The following SLC16A7 variants were observed in gnomAD, a reference collection of about 807,000 sequenced individuals.
SLC16A7 encodes the protein monocarboxylate transporter 2.
A neutral mutation model predicts 34.9 loss-of-function variants in SLC16A7; 33 were observed. The ratio of observed to expected loss-of-function variants is 0.94; its 90% CI spans 0.72 to 1.26. SLC16A7 has a LOEUF of 1.26. Ranked by LOEUF, SLC16A7 falls within the 50% of genes most tolerant of loss-of-function variation. The pLI, the probability that SLC16A7 is intolerant of heterozygous loss-of-function variation, is 0.00. For missense variants in SLC16A7, 573 were observed against 578.1 expected, an observed-to-expected ratio of 0.99 and a Z score of 0.09; for synonymous variants, 201 against 206.6, an observed-to-expected ratio of 0.97 and a Z score of 0.23.
chr12:59,711,681 G>A (rs771434683), intron 3 of SLC16A7, among the ~76,000 whole-genome samples: 2 of 152,054 alleles, frequency 1.3e-5, no homozygotes, highest in Non-Finnish European at 2.9e-5. Context: ...ACCATGCCCA[G>A]CTAATTTCTG....
At chr12:59,604,047 T>C (rs1878818943) in intron 1 of SLC16A7, among the ~76,000 whole-genome samples, 1 of 152,250 alleles carries the variant, frequency 6.6e-6, no homozygotes. Context: ...CAATTTAACA[T>C]ATTCAGTTTT....
Position 59,614,192 on chromosome 12 carries a change from A to C in SLC16A7, c.-130+17956A>C, listed in dbSNP as rs139001619. Reference sequence around the variant, plus strand: ...CAGCCTCCTGAGTAACTGTGGCTACATGTGCTATTAATTTTTGTATTTTTA... The same window carrying C: ...CAGCCTCCTGAGTAACTGTGGCTACCTGTGCTATTAATTTTTGTATTTTTA... On this transcript the variant is annotated intron_variant, in intron 1 of 5. Transcript: ENST00000547379. 3.1e-3 allele frequency among the ~76,000 whole-genome samples: 474 copies of C among 152,006 alleles called. 4 individuals are homozygous for C. Among genetic ancestry groups the C allele is most frequent in the African/African-American group, 0.011 (467 of 41,448 alleles).
At chr12:59,770,602 C>T (rs1007724143) in intron 3 of SLC16A7, among the ~76,000 whole-genome samples, 2 of 152,130 alleles carry the variant, frequency 1.3e-5, no homozygotes, top group Admixed American at 1.3e-4. Context: ...TCCATGATAA[C>T]AACATTACTA....
chr12:59,630,356 A>G (rs528187161), intron 1 of SLC16A7, among the ~76,000 whole-genome samples: 4 of 152,004 alleles, frequency 2.6e-5, no homozygotes, highest in African/African-American at 4.8e-5. Context: ...GGTAGTAGTT[A>G]GACACAGTTG....
intron 1 of SLC16A7, among the ~76,000 whole-genome samples, chr12:59,597,413 G>C (rs1270261622): frequency 1.3e-5 from 2 of 152,170 alleles, no homozygotes; most frequent in East Asian, 3.9e-4. Context: ...TGATGAAAGT[G>C]ATGGGAAAAA....
intron 1 of SLC16A7, among the ~76,000 whole-genome samples, chr12:59,643,173 T>TG (rs1880759199): frequency 6.6e-6 from 1 of 152,132 alleles, no homozygotes; most frequent in Non-Finnish European, 1.5e-5. Flanking sequence ...TACTCCAATG[T>TG]AATTATTCAC....
At chr12:59,742,091 A>AGG (rs1565687441) in intron 3 of SLC16A7, among the ~76,000 whole-genome samples, 1 of 152,132 alleles carries the variant, frequency 6.6e-6, no homozygotes, top group Non-Finnish European at 1.5e-5. Context: ...TTCTTCCCTT[A>AGG]GGGTGGGCTG....
In SLC16A7 at chr12:59,721,359, T is replaced by C. The variant is rs537979090; in HGVS notation, c.217+16341T>C. The stretch of plus-strand genomic sequence containing the variant: ...CTTTACCTTCTTTCCTGTATCAGTA[T>C]CTATCCTAACTAAGGCCAACTATAC... On this transcript the variant is annotated intron_variant, in intron 3 of 5. Coordinates refer to ENST00000547379, the MANE Select transcript of SLC16A7 (RefSeq NM_001270623.2). Among the ~76,000 whole-genome samples the C allele has an allele frequency of 3.3e-5, 5 of 152,060 alleles. No homozygotes were observed. In the East Asian group the frequency reaches 7.7e-4, roughly 24 times the overall value.
At chr12:59,778,783 G>T (rs917805991) in intron 5 of SLC16A7, among the ~76,000 whole-genome samples, 4 of 152,116 alleles carry the variant, frequency 2.6e-5, no homozygotes, top group African/African-American at 7.2e-5. Context: ...AAGCCATTCT[G>T]CAGAGTAGTT....
chr12:59,607,666 T>C (rs569040221), intron 1 of SLC16A7, among the ~76,000 whole-genome samples: 10 of 152,272 alleles, frequency 6.6e-5, no homozygotes, highest in Admixed American at 2.6e-4. Context: ...ATGCTGGATA[T>C]AACTCTAATA....
chr12:59,633,631 T>C (rs1880285239), intron 1 of SLC16A7, among the ~76,000 whole-genome samples: 1 of 151,004 alleles, frequency 6.6e-6, no homozygotes, highest in African/African-American at 2.4e-5. Context: ...TACCAGAGAC[T>C]GGGGTAATTT....
At chr12:59,691,551 T>A (rs560854020) in intron 2 of SLC16A7, among the ~76,000 whole-genome samples, 7 of 152,036 alleles carry the variant, frequency 4.6e-5, no homozygotes, top group Admixed American at 2.6e-4. Context: ...CATACTCATG[T>A]CTCTCTGGGC....
At chr12:59,743,912 A>G (rs1481935908) in intron 3 of SLC16A7, among the ~76,000 whole-genome samples, 2 of 152,212 alleles carry the variant, frequency 1.3e-5, no homozygotes, top group African/African-American at 4.8e-5. Flanking sequence ...TATGAGTTCA[A>G]CTATTTAACT....
At chr12:59,683,806 C>T (rs1870933411) in intron 2 of SLC16A7, among the ~76,000 whole-genome samples, 2 of 152,074 alleles carry the variant, frequency 1.3e-5, no homozygotes, top group South Asian at 2.1e-4. Context: ...TGAGAACCCA[C>T]ATATGTTGGA....
At chr12:59,693,168 T>C (rs1480533859) in intron 2 of SLC16A7, among the ~76,000 whole-genome samples, 1 of 151,968 alleles carries the variant, frequency 6.6e-6, no homozygotes, top group Admixed American at 6.6e-5. Context: ...GAGGAATTTA[T>C]AGTGAAACCA....
intron 2 of SLC16A7, among the ~76,000 whole-genome samples, chr12:59,658,238 C>A (rs1439552804): frequency 4.6e-5 from 7 of 151,836 alleles, no homozygotes; most frequent in African/African-American, 1.7e-4. Flanking sequence ...TCAGTCAATT[C>A]CTTTGATTTT....
At chr12:59,695,480 C>A (rs1237279377) in intron 2 of SLC16A7, among the ~76,000 whole-genome samples, 1 of 152,004 alleles carries the variant, frequency 6.6e-6, no homozygotes, top group African/African-American at 2.4e-5. Context: ...ATTCCTACCA[C>A]AAGTTAGACC....
rs1473111651 is a variant in SLC16A7, at chr12:59,779,591, C to G, written c.1349C>G (p.Pro450Arg). 2.5e-6 allele frequency: 4 copies of G among 1,611,870 alleles called. No individual in the cohort carries two copies. The highest frequency in any genetic ancestry group is 2.7e-5 in the African/African-American group (2 of 74,814). The change falls in exon 6 of 6, where the codon CCC (proline) becomes CGC (arginine). Residue 450 changes from proline to arginine, a missense_variant. Pro to Arg is a moderately radical substitution (Grantham distance 103). Transcript: ENST00000547379. ...NARQKTRESEPLSKSKHSEDV... is the reference protein window; with the variant it reads ...NARQKTRESERLSKSKHSEDV... ...AGGCAGAAGACCAGAGAATCTGAACCCTTGAGCAAATCTAAACATTCGGAA... is the reference window on the plus strand; with the variant it reads ...AGGCAGAAGACCAGAGAATCTGAACGCTTGAGCAAATCTAAACATTCGGAA...
chr12:59,625,070 A>G (rs1879868705), intron 1 of SLC16A7, among the ~76,000 whole-genome samples: 3 of 151,724 alleles, frequency 2.0e-5, no homozygotes, highest in African/African-American at 7.3e-5. Context: ...TGTTTTTCCT[A>G]CTGTATGTAC....
Sources: gnomAD v4.1 joint callset for allele counts (sites outside exome capture counted in the v4.1 genomes callset) on GRCh38, gnomAD v4.1.1 for gene constraint, MANE v1.5 for transcripts, NCBI Gene and HGNC (gene_info 2026-07-23, HGNC 2026-07-21) for gene names.